SLC1A1: variants seen among roughly 807,000 people sequenced by gnomAD.
The protein encoded by SLC1A1 is solute carrier family 1 member 1, also known as excitatory amino acid transporter 3.
In SLC1A1, 43 loss-of-function variants were observed where a neutral mutation model predicts 53.3. That is an observed-to-expected ratio of 0.81 (90% CI 0.63 to 1.04). The LOEUF (loss-of-function observed/expected upper bound fraction) is 1.04. Among genes scored for constraint, SLC1A1 ranks in the 50% least tolerant of loss-of-function variants. The pLI is 0.00. For synonymous variants in SLC1A1, 307 were observed against 243.2 expected (o/e 1.26, Z -2.44); for missense variants, 748 against 664.9 (o/e 1.12, Z -1.37).
At chr9:4,579,364 C>G (rs1820852747) in intron 10 of SLC1A1, among the ~76,000 whole-genome samples, 6 of 152,240 alleles carry the variant, frequency 3.9e-5, no homozygotes, top group Admixed American at 3.9e-4. Context: ...GCTGTGGAAC[C>G]CAGTCTTCAC....
intron 4 of SLC1A1, 89 bp downstream of exon 4, chr9:4,564,547 T>C (rs901311031): frequency 3.2e-5 from 26 of 810,568 alleles, no homozygotes; most frequent in Non-Finnish European, 4.9e-5. Context: ...TGTTACTGTA[T>C]TGAAATTTTT....
rs1297947961 is a variant in SLC1A1 at position 4,587,246 on chromosome 9, A to C, written c.*1688A>C. Reference sequence around the variant, plus strand: ...TATTGCTATTGTTTATAGGAAATAAATCTAAATATAAATGAAATTGAATCA... The same window carrying C: ...TATTGCTATTGTTTATAGGAAATAACTCTAAATATAAATGAAATTGAATCA... On this transcript the variant is annotated 3_prime_UTR_variant, in exon 12 of 12. Transcript: ENST00000262352. 1 of 152,338 alleles carries C rather than the reference A, an allele frequency of 6.6e-6. No individual in the cohort carries two copies. The highest frequency in any genetic ancestry group is 1.9e-4 in the East Asian group (1 of 5,190). The allele number at this position is 152,338 out of a possible 1,614,324, so 9.4% of individuals were successfully genotyped here.
chr9:4,519,429 A>G (rs941477987), intron 1 of SLC1A1, among the ~76,000 whole-genome samples: 7 of 152,236 alleles, frequency 4.6e-5, no homozygotes, highest in African/African-American at 1.7e-4. Context: ...GTAAGTATGC[A>G]TGTGGTAGAA....
intron 1 of SLC1A1, among the ~76,000 whole-genome samples, chr9:4,527,325 G>A (rs1466521370): frequency 1.3e-5 from 2 of 152,136 alleles, no homozygotes; most frequent in Admixed American, 6.5e-5. Flanking sequence ...CCTGATCCAT[G>A]GAAATTTTGA....
intron 1 of SLC1A1, among the ~76,000 whole-genome samples, chr9:4,531,537 G>A (rs1816469574): frequency 6.6e-6 from 1 of 152,168 alleles, no homozygotes; most frequent in Non-Finnish European, 1.5e-5. Flanking sequence ...CCAGGCTTGA[G>A]TAGGTAAACA....
chr9:4,585,278 G>A lies in SLC1A1; in HGVS notation c.1329-34G>A, dbSNP rs200866203. ...CAGTGATGAAGGAAAATGAAATCTGGGCCTCCTGTCTGACTCCTCCCGTCT... is the reference window on the plus strand; with the variant it reads ...CAGTGATGAAGGAAAATGAAATCTGAGCCTCCTGTCTGACTCCTCCCGTCT... On this transcript the variant is annotated intron_variant, in intron 11 of 11. Coordinates refer to ENST00000262352, the MANE Select transcript of SLC1A1 (RefSeq NM_004170.6). 634 of 1,612,050 alleles carry A rather than the reference G, an allele frequency of 3.9e-4. 1 individual carries two copies. The highest frequency in any genetic ancestry group is 6.3e-4 in the Middle Eastern group (3 of 4,732).
intron 1 of SLC1A1, among the ~76,000 whole-genome samples, chr9:4,518,784 C>T (rs1815956477): frequency 6.6e-6 from 1 of 152,140 alleles, no homozygotes; most frequent in Non-Finnish European, 1.5e-5. Context: ...AGGGGAGAGG[C>T]ACAAGTGACA....
chr9:4,527,654 G>T (rs939442857), intron 1 of SLC1A1, among the ~76,000 whole-genome samples: 4 of 152,102 alleles, frequency 2.6e-5, no homozygotes. Flanking sequence ...TACAGAAATT[G>T]TTTCTAAGCT....
chr9:4,514,246 A>T (rs1980943), intron 1 of SLC1A1, among the ~76,000 whole-genome samples: 1 of 152,014 alleles, frequency 6.6e-6, no homozygotes, highest in Admixed American at 6.6e-5. Context: ...ATACATGTCC[A>T]GCATTTGCAA....
intron 2 of SLC1A1, among the ~76,000 whole-genome samples, chr9:4,550,618 T>C (rs1817847012): frequency 6.6e-6 from 1 of 152,186 alleles, no homozygotes; most frequent in African/African-American, 2.4e-5. Flanking sequence ...CTCAAACTCC[T>C]GGCCTCAAGT....
At chr9:4,534,067 G>A (rs539937366) in intron 1 of SLC1A1, among the ~76,000 whole-genome samples, 1 of 152,182 alleles carries the variant, frequency 6.6e-6, no homozygotes, top group Non-Finnish European at 1.5e-5. Context: ...GCAGTGTGTA[G>A]AGGGAAATTT....
intron 1 of SLC1A1, among the ~76,000 whole-genome samples, chr9:4,528,072 C>A (rs980723767): frequency 2.0e-5 from 3 of 152,144 alleles, no homozygotes; most frequent in African/African-American, 7.2e-5. Context: ...TCTAGTGTAG[C>A]TTCTGTTATG....
At chr9:4,542,645 GT>G (rs1817117128) in intron 1 of SLC1A1, among the ~76,000 whole-genome samples, 1 of 152,162 alleles carries the variant, frequency 6.6e-6, no homozygotes, top group South Asian at 2.1e-4. Context: ...GAGAATATTT[GT>G]TTTTTAAAGT....
rs1586869755 is a variant in SLC1A1 at position 4,583,078 on chromosome 9, C to T, written c.1234C>T (p.Pro412Ser). The change falls in exon 11 of 12, where the codon CCC becomes TCC. Residue 412 changes from proline (P) to serine (S), a missense_variant. By Grantham distance (74) the Pro-to-Ser change is moderately conservative. Transcript: ENST00000262352. This position sits in a 1 kb window ranked among gnomAD's most constrained non-coding sequence, Gnocchi z 4.6. Reference sequence around the variant, plus strand: ...TGCCAGCATCGGAGCTGCTGGCGTGCCCCAGGCTGGCCTGGTGACCATGGT... The same window carrying T: ...TGCCAGCATCGGAGCTGCTGGCGTGTCCCAGGCTGGCCTGGTGACCATGGT... ...TSASIGAAGV[P>S]QAGLVTMVIV... 2.5e-6 allele frequency: 4 copies of T among 1,614,188 alleles called. No homozygotes were observed. Among genetic ancestry groups the T allele is most frequent in the African/African-American group, 1.3e-5 (1 of 75,052 alleles).
At chr9:4,537,639 T>C (rs1243535024) in intron 1 of SLC1A1, among the ~76,000 whole-genome samples, 1 of 151,532 alleles carries the variant, frequency 6.6e-6, no homozygotes, top group Non-Finnish European at 1.5e-5. Context: ...GGATGTACCT[T>C]GAAAACATGC....
intron 1 of SLC1A1, among the ~76,000 whole-genome samples, chr9:4,515,867 T>C (rs2130821440): frequency 6.6e-6 from 1 of 152,312 alleles, no homozygotes; most frequent in African/African-American, 2.4e-5. Flanking sequence ...TTGTGGAGCC[T>C]TCTGTCCTGT....
rs141614435 is a variant in SLC1A1 at position 4,527,035 on chromosome 9, C to T, written c.92-17532C>T. On this transcript the variant is annotated intron_variant, in intron 1 of 11. Transcript: ENST00000262352. ...AGGCCTGACTTAATAAAGTGGAAGC[C>T]CTTAAAGAGACTGGGCCCATCCTGC... Among the ~76,000 whole-genome samples the T allele has an allele frequency of 2.3e-4, 35 of 152,158 alleles. 1 individual carries two copies. Among genetic ancestry groups the T allele is most frequent in the African/African-American group, 7.2e-4 (30 of 41,522 alleles).
intron 3 of SLC1A1, among the ~76,000 whole-genome samples, chr9:4,563,242 G>A (rs1819149642): frequency 6.6e-6 from 1 of 152,104 alleles, no homozygotes; most frequent in Non-Finnish European, 1.5e-5. Flanking sequence ...GCTTCAATGA[G>A]CTGATAAGAA....
In SLC1A1 at chr9:4,507,878, G is replaced by A. The variant is rs1446193465; in HGVS notation, c.91+17108G>A. ...GTCAGATTTTATTTACACACAGGGAGATGGCTTCCTAAGATTGTGTAGTGA... is the reference window on the plus strand; with the variant it reads ...GTCAGATTTTATTTACACACAGGGAAATGGCTTCCTAAGATTGTGTAGTGA... On this transcript the variant is annotated intron_variant, in intron 1 of 11. Transcript: ENST00000262352. Among the ~76,000 whole-genome samples, 6 of 152,164 alleles carry A rather than the reference G, an allele frequency of 3.9e-5. No individual in the cohort carries two copies. The East Asian group carries it at 9.6e-4, about 24-fold the overall frequency.
Sources: gnomAD v4.1 joint callset for allele counts (sites outside exome capture counted in the v4.1 genomes callset) on GRCh38, gnomAD v4.1.1 for gene constraint, Gnocchi (gnomAD v3.1) non-coding constraint, MANE v1.5 for transcripts, NCBI Gene and HGNC (gene_info 2026-07-23, HGNC 2026-07-21) for gene names.